The following CSMD1 variants were observed in gnomAD, a reference collection of about 807,000 sequenced individuals.
CSMD1 encodes CUB and Sushi multiple domains 1, also known as CUB and sushi domain-containing protein 1.
CSMD1 carries 213 observed loss-of-function variants against 417.5 expected under a neutral mutation model. That is an observed-to-expected ratio of 0.51 (90% CI 0.46 to 0.57). CSMD1 has a LOEUF of 0.57. Among genes scored for constraint, CSMD1 ranks in the 20% least tolerant of loss-of-function variants. The probability of loss-of-function intolerance (pLI) is 0.00; values close to 1 mark genes in which losing one functional copy is unlikely to be tolerated. For missense variants in CSMD1, 6,923 were observed against 4,529.7 expected (o/e 1.53, Z -15.17); for synonymous variants, 2,862 against 1,736.8 (o/e 1.65, Z -16.11).
intron 52 of CSMD1, among the ~76,000 whole-genome samples, chr8:3,007,654 A>G (rs1234780923): frequency 1.3e-5 from 2 of 151,480 alleles, no homozygotes; most frequent in Admixed American, 1.3e-4. Context: ...CATCATTCTC[A>G]GTAAACTATC....
chr8:4,539,342 A>T (rs1165558798), intron 2 of CSMD1, among the ~76,000 whole-genome samples: 2 of 152,188 alleles, frequency 1.3e-5, no homozygotes, highest in African/African-American at 4.8e-5. Flanking sequence ...AGACTTCCCA[A>T]TCTCTTTCAC....
intron 5 of CSMD1, among the ~76,000 whole-genome samples, chr8:3,888,830 G>C (rs189876519): frequency 1.3e-5 from 2 of 152,184 alleles, no homozygotes; most frequent in African/African-American, 2.4e-5. Context: ...TACTATTCTA[G>C]AAAATGATGC....
intron 10 of CSMD1, among the ~76,000 whole-genome samples, chr8:3,539,865 G>C (rs79059061): frequency 1.7e-4 from 26 of 151,920 alleles, no homozygotes; most frequent in Non-Finnish European, 3.2e-4. Flanking sequence ...AATTTTGTTC[G>C]ACCAAACGAA....
chr8:4,728,688 C>A (rs1809635096), intron 1 of CSMD1, among the ~76,000 whole-genome samples: 1 of 151,962 alleles, frequency 6.6e-6, no homozygotes, highest in African/African-American at 2.4e-5. Flanking sequence ...AATGCTTCCA[C>A]ATTGTTTTAC....
At chr8:3,478,628 T>C (rs1247409809) in intron 11 of CSMD1, among the ~76,000 whole-genome samples, 1 of 152,064 alleles carries the variant, frequency 6.6e-6, no homozygotes, top group Non-Finnish European at 1.5e-5. Context: ...TTTCCACCCC[T>C]GAACAGGCAA....
chr8:4,416,432 T>C (rs1369960645), intron 3 of CSMD1, among the ~76,000 whole-genome samples: 1 of 152,126 alleles, frequency 6.6e-6, no homozygotes, highest in Admixed American at 6.5e-5. Flanking sequence ...CCAAATATTT[T>C]AGAAAACATT....
intron 3 of CSMD1, among the ~76,000 whole-genome samples, chr8:4,323,354 T>C (rs1585231681): frequency 6.6e-6 from 1 of 152,186 alleles, no homozygotes; most frequent in African/African-American, 2.4e-5. Flanking sequence ...GTGAGAAATA[T>C]AAACTTATGT....
At chr8:4,926,936 G>A (rs1347728644) in intron 1 of CSMD1, among the ~76,000 whole-genome samples, 1 of 151,764 alleles carries the variant, frequency 6.6e-6, no homozygotes, top group Non-Finnish European at 1.5e-5. Flanking sequence ...CCATTTACTT[G>A]GACCCAAGTT....
intron 12 of CSMD1, among the ~76,000 whole-genome samples, chr8:3,457,680 C>T (rs1361512017): frequency 6.6e-6 from 1 of 152,072 alleles, no homozygotes; most frequent in Non-Finnish European, 1.5e-5. Context: ...GAAATTTTAA[C>T]AAAGACTCTT....
At position 4,212,264 on chromosome 8, in the gene CSMD1, C is replaced by A. The variant is rs544232150; in HGVS notation, c.416-180165G>T. Among the ~76,000 whole-genome samples, 5 of 151,782 alleles carry A rather than the reference C, an allele frequency of 3.3e-5. No individual in the cohort carries two copies. In the South Asian group the frequency reaches 1.0e-3, roughly 32 times the overall value. On this transcript the variant is annotated intron_variant, in intron 3 of 69. Transcript: ENST00000635120. ...TTTTGCATCCTTTAACTGACTGACT[C>A]AGATAAATACTATTCTACAAACTTA... is the stretch of plus-strand genomic sequence containing the variant.
intron 1 of CSMD1, among the ~76,000 whole-genome samples, chr8:4,923,289 T>A (rs1282884805): frequency 6.6e-6 from 1 of 152,194 alleles, no homozygotes; most frequent in Non-Finnish European, 1.5e-5. Flanking sequence ...TGCCTCATCC[T>A]CAAAGGCAAT....
At chr8:3,457,309 C>T (rs975020207) in intron 12 of CSMD1, among the ~76,000 whole-genome samples, 3 of 152,284 alleles carry the variant, frequency 2.0e-5, no homozygotes, top group Middle Eastern at 3.4e-3. Context: ...ACTCCCTGAC[C>T]TTCAGCTCAC....
At chr8:2,988,483 G>C (rs1465304359) in intron 54 of CSMD1, among the ~76,000 whole-genome samples, 2 of 152,122 alleles carry the variant, frequency 1.3e-5, no homozygotes, top group Non-Finnish European at 2.9e-5. Flanking sequence ...CACTGAACTG[G>C]CTCAACTCTT....
intron 1 of CSMD1, among the ~76,000 whole-genome samples, chr8:4,838,565 G>A (rs1031057179): frequency 1.3e-5 from 2 of 152,222 alleles, no homozygotes; most frequent in Non-Finnish European, 2.9e-5. Flanking sequence ...CTGGGTGGGG[G>A]TGCATGTTGA....
At chr8:4,905,381 A>T (rs1177993411) in intron 1 of CSMD1, among the ~76,000 whole-genome samples, 1 of 152,100 alleles carries the variant, frequency 6.6e-6, no homozygotes, top group Non-Finnish European at 1.5e-5. Context: ...TATAAAATAT[A>T]TATATTTACA....
chr8:3,225,589 G>C (rs1050243116), intron 27 of CSMD1, among the ~76,000 whole-genome samples: 15 of 152,150 alleles, frequency 9.9e-5, no homozygotes, highest in African/African-American at 3.6e-4. Context: ...CACAGGTTTT[G>C]TAAGATGAAA....
intron 5 of CSMD1, among the ~76,000 whole-genome samples, chr8:3,906,069 G>C (rs1295147829): frequency 6.6e-6 from 1 of 152,146 alleles, no homozygotes; most frequent in East Asian, 1.9e-4. Context: ...GAGACTCACA[G>C]ACATGCTCTC....
intron 1 of CSMD1, among the ~76,000 whole-genome samples, chr8:4,852,980 C>T (rs1773024529): frequency 6.6e-6 from 1 of 152,060 alleles, no homozygotes; most frequent in Non-Finnish European, 1.5e-5. Flanking sequence ...GGCCTGGCTG[C>T]TTATAACAGT....
At chr8:4,693,159 T>C (rs1468679983) in intron 1 of CSMD1, among the ~76,000 whole-genome samples, 1 of 152,200 alleles carries the variant, frequency 6.6e-6, no homozygotes, top group Non-Finnish European at 1.5e-5. Context: ...AAGCTCCTCT[T>C]AATTCCTTAA....
Sources: allele counts gnomAD v4.1 joint callset (sites outside exome capture counted in the v4.1 genomes callset), GRCh38; gene constraint gnomAD v4.1.1; transcripts MANE v1.5; gene names NCBI Gene and HGNC (gene_info 2026-07-23, HGNC 2026-07-21).